PDZD2: variants seen among roughly 807,000 people sequenced by gnomAD.
PDZD2 encodes the protein PDZ domain containing 2, also known as PDZ domain-containing protein 2.
In PDZD2, 90 loss-of-function variants were observed where a neutral mutation model predicts 220.7. That is an observed-to-expected ratio of 0.41 (90% CI 0.34 to 0.49). The LOEUF is 0.49. Among genes scored for constraint, PDZD2 ranks in the 20% least tolerant of loss-of-function variants. PDZD2 has a pLI of 0.28. For missense variants in PDZD2, 3,174 were observed against 3,608.5 expected (o/e 0.88, Z 3.08); for synonymous variants, 1,375 against 1,450.5 (o/e 0.95, Z 1.18).
At chr5:31,887,395 G>T (rs1740606478) in intron 2 of PDZD2, among the ~76,000 whole-genome samples, 1 of 152,150 alleles carries the variant, frequency 6.6e-6, no homozygotes, top group African/African-American at 2.4e-5. Flanking sequence ...AAGGACTTTG[G>T]GTGTCAGTGG....
Position 31,998,405 on chromosome 5 carries a change from T to C in PDZD2, c.1122-1734T>C, listed in dbSNP as rs566223523. 2.0e-5 allele frequency among the ~76,000 whole-genome samples: 3 copies of C among 152,140 alleles called. No individual in the cohort carries two copies. The South Asian group carries it at 6.2e-4, about 32-fold the overall frequency. ...TGTCTCCTGTTAAAGCCCAAATTCA[T>C]AGAAAAGACAATGGCACATGCCCTA... On this transcript the variant is annotated intron_variant, in intron 4 of 24. Transcript: ENST00000438447.
At chr5:31,761,283 GTGAC>G (rs1751638528) in intron 1 of PDZD2, among the ~76,000 whole-genome samples, 2 of 152,290 alleles carry the variant, frequency 1.3e-5, no homozygotes, top group Middle Eastern at 3.4e-3. Context: ...TATTAGTTTG[GTGAC>G]TGACTGCAGG....
At position 32,048,424 on chromosome 5, in the gene PDZD2, T is replaced by G. The variant is rs1026295484; in HGVS notation, c.1520-115T>G. 3 of 811,284 alleles carry G rather than the reference T, an allele frequency of 3.7e-6. No homozygotes were observed. The Admixed American group carries it at 6.5e-5, about 18-fold the overall frequency. 50.3% of individuals were successfully genotyped at this position (811,284 alleles called of 1,614,324 possible). A position where few individuals can be genotyped will look rare whatever the true frequency, so the allele number is the denominator to read the frequency against. ...TCTGTGCTTTGAGTGTATTGGACGC[T>G]AGGCTTCTCAAAACCATGAAGGTGG... On this transcript the variant is annotated intron_variant, in intron 7 of 24. Coordinates refer to ENST00000438447, the MANE Select transcript of PDZD2 (RefSeq NM_178140.4).
At chr5:31,854,851 G>A in intron 2 of PDZD2, 1 of 367,714 alleles carries the variant, frequency 2.7e-6, no homozygotes, top group Non-Finnish European at 3.8e-6. Context: ...GGGGAGTGGC[G>A]AGCCGAGTTT....
chr5:31,821,270 G>A (rs1486398773), intron 2 of PDZD2, among the ~76,000 whole-genome samples: 1 of 146,874 alleles, frequency 6.8e-6, no homozygotes, highest in Non-Finnish European at 1.5e-5. Flanking sequence ...TAAATTTAAT[G>A]GGCATTTATT....
rs1250314918 is a variant in PDZD2 at position 31,699,777 on chromosome 5, GTTTGTTTTTTT to G, written c.-361+60356_-361+60366del. The stretch of plus-strand genomic sequence containing the variant: ...CTACCATGCCTGGCTGTTTTTTTTT[GTTTGTTTTTTT>G]TTTGTTTTTTTTTTGGTATTTTAGT... On this transcript the variant is annotated intron_variant, in intron 1 of 24. Transcript: ENST00000438447. Among the ~76,000 whole-genome samples the G allele has an allele frequency of 1.5e-4, 19 of 125,930 alleles. No individual in the cohort carries two copies. In the South Asian group the frequency reaches 1.7e-3, roughly 11 times the overall value. The allele number at this position is 125,930 out of a possible 152,430, so 82.6% of individuals were successfully genotyped here.
intron 1 of PDZD2, among the ~76,000 whole-genome samples, chr5:31,669,401 C>CAAA (rs34910299): frequency 3.6e-5 from 4 of 109,650 alleles, no homozygotes; most frequent in African/African-American, 7.2e-5. Context: ...GACCCTGTCT[C>CAAA]AAAAAAAAAA....
intron 2 of PDZD2, among the ~76,000 whole-genome samples, chr5:31,849,445 G>A (rs1757787924): frequency 6.6e-6 from 1 of 152,040 alleles, no homozygotes; most frequent in East Asian, 1.9e-4. Context: ...TATAGTAAGA[G>A]CTTAATAAGT....
At chr5:32,081,026 C>T (rs1471866207) in intron 19 of PDZD2, among the ~76,000 whole-genome samples, 1 of 151,570 alleles carries the variant, frequency 6.6e-6, no homozygotes, top group African/African-American at 2.4e-5. Context: ...CCATGGCACA[C>T]ATTTCCCTGT....
intron 2 of PDZD2, among the ~76,000 whole-genome samples, chr5:31,965,605 G>GA (rs924294550): frequency 6.6e-6 from 1 of 152,156 alleles, no homozygotes; most frequent in Non-Finnish European, 1.5e-5. Flanking sequence ...TTTAAAAATG[G>GA]AAACTTCGGC....
rs1561502853 is a variant in PDZD2, at chr5:32,071,488, C to G, written c.2568+70C>G. On this transcript the variant is annotated intron_variant, in intron 16 of 24. Transcript: ENST00000438447. ...AAACTAATTCCTGGAGCCCACAAGT[C>G]AAGCCGGAGGGCCCAGTCCCTGTTT... The G allele has an allele frequency of 3.3e-6, 4 of 1,223,556 alleles. No homozygotes were observed. In the African/African-American group the frequency reaches 4.5e-5, roughly 14 times the overall value. The allele number at this position is 1,223,556 out of a possible 1,614,324, so 75.8% of individuals were successfully genotyped here.
intron 2 of PDZD2, among the ~76,000 whole-genome samples, chr5:31,851,376 C>A (rs990149694): frequency 6.6e-6 from 1 of 152,194 alleles, no homozygotes; most frequent in Non-Finnish European, 1.5e-5. Flanking sequence ...GTGCAATATG[C>A]AGATTCCTAT....
At chr5:31,964,338 C>T (rs574009465) in intron 2 of PDZD2, among the ~76,000 whole-genome samples, 7 of 152,240 alleles carry the variant, frequency 4.6e-5, no homozygotes, top group Non-Finnish European at 8.8e-5. Context: ...AGGGACTCAT[C>T]TCTGAAGTTA....
At chr5:31,885,251 C>T (rs534805440) in intron 2 of PDZD2, among the ~76,000 whole-genome samples, 5 of 147,068 alleles carry the variant, frequency 3.4e-5, no homozygotes, top group Non-Finnish European at 5.9e-5. Flanking sequence ...TTTTTTAATA[C>T]TACTCTTTAC....
At chr5:31,854,388 G>T (rs926722289) in intron 2 of PDZD2, among the ~76,000 whole-genome samples, 1 of 152,202 alleles carries the variant, frequency 6.6e-6, no homozygotes, top group Non-Finnish European at 1.5e-5. Flanking sequence ...TGCTTCAGTC[G>T]TGCAGTCACC....
At chr5:32,104,332 A>ATTACAGAAC (rs986656590) in intron 24 of PDZD2, among the ~76,000 whole-genome samples, 2 of 152,006 alleles carry the variant, frequency 1.3e-5, no homozygotes, top group African/African-American at 4.8e-5. Flanking sequence ...GAGTAAGGTT[A>ATTACAGAAC]TTACAGAACA....
intron 2 of PDZD2, among the ~76,000 whole-genome samples, chr5:31,861,098 G>T (rs1006071607): frequency 6.6e-6 from 1 of 152,150 alleles, no homozygotes. Flanking sequence ...AGAAAAAGAC[G>T]CAAAATAGAT....
chr5:31,882,051 A>G (rs1345326193), intron 2 of PDZD2, among the ~76,000 whole-genome samples: 1 of 151,916 alleles, frequency 6.6e-6, no homozygotes, highest in Non-Finnish European at 1.5e-5. Context: ...GCTTAGTTTG[A>G]CTCCATCCCG....
At chr5:31,749,518 G>A (rs1232798126) in intron 1 of PDZD2, among the ~76,000 whole-genome samples, 1 of 151,696 alleles carries the variant, frequency 6.6e-6, no homozygotes, top group Non-Finnish European at 1.5e-5. Flanking sequence ...CAGCCTTCCA[G>A]GTTCAAGTGA....
Sources: gnomAD v4.1 joint callset for allele counts (sites outside exome capture counted in the v4.1 genomes callset) on GRCh38, gnomAD v4.1.1 for gene constraint, MANE v1.5 for transcripts, NCBI Gene and HGNC (gene_info 2026-07-23, HGNC 2026-07-21) for gene names.